The following AVPR1A variants were observed in gnomAD, a reference collection of about 807,000 sequenced individuals.
AVPR1A encodes vasopressin V1a receptor.
A neutral mutation model predicts 31.5 loss-of-function variants in AVPR1A; 31 were observed. That is an observed-to-expected ratio of 0.99 (90% CI 0.74 to 1.33). AVPR1A has a LOEUF of 1.33. AVPR1A is among the 40% of genes most tolerant of loss of function. AVPR1A has a pLI of 0.00. For missense variants in AVPR1A, 570 were observed against 575.2 expected (o/e 0.99, Z 0.09); for synonymous variants, 243 against 233.2 (o/e 1.04, Z -0.38).
chr12:63,149,790 TCTCTCTCTCA>T (rs1311970949), intron 1 of AVPR1A, 67 bp downstream of exon 1: 37 of 1,470,728 alleles, frequency 2.5e-5, no homozygotes, highest in Admixed American at 1.3e-4. Flanking sequence ...TCTCTCTCTC[TCTCTCTCTCA>T]CACACACACA....
Position 63,144,443 on chromosome 12 carries a change from T to C in AVPR1A, c.*2916A>G, listed in dbSNP as rs1004581366. ...CATTCCTAATACCCATATAGAGGCA[T>C]TAAAATTGTGTACTTGCAGGATCTT... On this transcript the variant is annotated 3_prime_UTR_variant, in exon 2 of 2. Coordinates refer to ENST00000299178, the MANE Select transcript of AVPR1A (RefSeq NM_000706.5). 6.6e-6 allele frequency: 1 copy of C among 152,326 alleles called. No individual in the cohort carries two copies. Among genetic ancestry groups the C allele is most frequent in the East Asian group, 1.9e-4 (1 of 5,196 alleles). The allele number at this position is 152,326 out of a possible 1,614,324, so 9.4% of individuals were successfully genotyped here. A position where few individuals can be genotyped will look rare whatever the true frequency, so the allele number is the denominator to read the frequency against.
rs551676456 is a variant in AVPR1A at position 63,145,153 on chromosome 12, G to T, written c.*2206C>A. The T allele has an allele frequency of 3.5e-4, 76 of 220,048 alleles. No homozygotes were observed. The highest frequency in any genetic ancestry group is 1.7e-3 in the African/African-American group (75 of 43,680). 13.6% of individuals were successfully genotyped at this position (220,048 alleles called of 1,614,324 possible). ...TAATGAATTAATTAATTTAGTTATG[G>T]CTTATATTGGACAGTACCCTTTAAG... On this transcript the variant is annotated 3_prime_UTR_variant, in exon 2 of 2. Coordinates refer to ENST00000299178, the MANE Select transcript of AVPR1A (RefSeq NM_000706.5).
rs1868361735 is a variant in AVPR1A at position 63,146,533 on chromosome 12, G to C, written c.*826C>G. On this transcript the variant is annotated 3_prime_UTR_variant, in exon 2 of 2. Transcript: ENST00000299178. ...CAAAATACGTTTACAATGTCCAAGA[G>C]AAAGTCCAGAGTACCTTAAGCAATC... The C allele has an allele frequency of 6.6e-6, 1 of 152,176 alleles. No individual in the cohort carries two copies. Among genetic ancestry groups the C allele is most frequent in the Admixed American group, 6.5e-5 (1 of 15,276 alleles). 9.4% of individuals were successfully genotyped at this position (152,176 alleles called of 1,614,324 possible).
In AVPR1A at chr12:63,146,724, A is replaced by C. The variant is rs1868363718; in HGVS notation, c.*635T>G. The C allele has an allele frequency of 1.3e-5, 2 of 152,220 alleles. No individual in the cohort carries two copies. Among genetic ancestry groups the C allele is most frequent in the Non-Finnish European group, 2.9e-5 (2 of 68,050 alleles). The allele number at this position is 152,220 out of a possible 1,614,324, so 9.4% of individuals were successfully genotyped here. Reference sequence around the variant, plus strand: ...GACCAATAATATGTGAGGAACCAAAAGGAGGCCACTGCCAGTTGTAAAGTT... The same window carrying C: ...GACCAATAATATGTGAGGAACCAAACGGAGGCCACTGCCAGTTGTAAAGTT... On this transcript the variant is annotated 3_prime_UTR_variant, in exon 2 of 2. Transcript: ENST00000299178.
At chr12:63,147,774 A>G in intron 1 of AVPR1A, 129 bp from the exon 2 acceptor site, 9 of 1,036,850 alleles carry the variant, frequency 8.7e-6, no homozygotes, top group South Asian at 1.8e-5. Context: ...TTGTTTATCA[A>G]TCAGGGAAAT....
At position 63,151,144 on chromosome 12, in the gene AVPR1A, G is replaced by T. The variant is rs895224625; in HGVS notation, c.-308C>A. 2.3e-5 allele frequency: 8 copies of T among 341,640 alleles called. No individual in the cohort carries two copies. The highest frequency in any genetic ancestry group is 1.7e-4 in the African/African-American group (8 of 46,450). 21.2% of individuals were successfully genotyped at this position (341,640 alleles called of 1,614,324 possible). On this transcript the variant is annotated 5_prime_UTR_variant, in exon 1 of 2. Coordinates refer to ENST00000299178, the MANE Select transcript of AVPR1A (RefSeq NM_000706.5). ...GGGTTCCCAACTCAAGTATTTATGC[G>T]GTGCTTGTTTCCTTGGGACGCGCTC...
chr12:63,147,572 G>A lies in AVPR1A; in HGVS notation c.1044C>T (p.Tyr348=). 1 of 1,614,112 alleles carries A rather than the reference G, an allele frequency of 6.2e-7. No individual in the cohort carries two copies. The highest frequency in any genetic ancestry group is 8.5e-7 in the Non-Finnish European group (1 of 1,179,986). ...SLNSCCNPWI[Y]MFFSGHLLQD... is the part of the protein sequence containing the mutation. ...GAAGGAGATGGCCACTAAAAAACATGTATATCCAGGGATTACAGCAGCTAT... is the reference window on the plus strand; with the variant it reads ...GAAGGAGATGGCCACTAAAAAACATATATATCCAGGGATTACAGCAGCTAT... The change falls in exon 2 of 2, where the codon TAC becomes TAT. Residue 348 remains tyrosine (Y), a synonymous_variant. Transcript: ENST00000299178.
At chr12:63,149,405 T>C (rs10877968) in intron 1 of AVPR1A, among the ~76,000 whole-genome samples, 34,006 of 152,082 alleles carry the variant, frequency 0.22, 4,445 homozygotes, top group African/African-American at 0.36. Context: ...GTAATACTTT[T>C]CACAATCCAA....
intron 1 of AVPR1A, among the ~76,000 whole-genome samples, 161 bp downstream of exon 1, chr12:63,149,706 C>T (rs1234492831): frequency 2.0e-5 from 3 of 150,990 alleles, no homozygotes; most frequent in Admixed American, 1.3e-4. Flanking sequence ...CTTATGTACA[C>T]ATAGAAGTTT....
rs1868343987 is a variant in AVPR1A, at chr12:63,144,595, G to A, written c.*2764C>T. Reference sequence around the variant, plus strand: ...AAGAAAAGGAAAACTTCCCTTCCCGGAATACTTTTTCAGTTTCTCTTCTTC... The same window carrying A: ...AAGAAAAGGAAAACTTCCCTTCCCGAAATACTTTTTCAGTTTCTCTTCTTC... On this transcript the variant is annotated 3_prime_UTR_variant, in exon 2 of 2. Coordinates refer to ENST00000299178, the MANE Select transcript of AVPR1A (RefSeq NM_000706.5). The A allele has an allele frequency of 6.6e-6, 1 of 152,106 alleles. No homozygotes were observed. Among genetic ancestry groups the A allele is most frequent in the South Asian group, 2.1e-4 (1 of 4,826 alleles). The allele number at this position is 152,106 out of a possible 1,614,324, so 9.4% of individuals were successfully genotyped here.
chr12:63,149,741 T>C, intron 1 of AVPR1A, 126 bp downstream of exon 1: 2 of 1,405,360 alleles, frequency 1.4e-6, no homozygotes, highest in Non-Finnish European at 1.9e-6. Context: ...TAGAAGATAC[T>C]ATGAAGAAAA....
In AVPR1A at chr12:63,149,879, A is replaced by G; in HGVS notation, c.958T>C (p.Ser320Pro). The change falls in exon 1 of 2, where the codon TCC becomes CCC. Residue 320 changes from serine (S) to proline (P), a missense_variant. By Grantham distance (74) the Ser-to-Pro change is moderately conservative (BLOSUM62 -1). Coordinates refer to ENST00000299178, the MANE Select transcript of AVPR1A (RefSeq NM_000706.5). ...TCCCGGCACGTACCGGTCCAGACGG[A>G]CATGGGATCCCAGACAGACCACATC... ...IQMWSVWDPM[S>P]VWTESENPTI... The G allele has an allele frequency of 6.2e-7, 1 of 1,613,298 alleles. No homozygotes were observed.
intron 1 of AVPR1A, among the ~76,000 whole-genome samples, chr12:63,148,151 G>A (rs1201695514): frequency 6.6e-6 from 1 of 152,106 alleles, no homozygotes; most frequent in Non-Finnish European, 1.5e-5. Context: ...AGAAGTCCCT[G>A]GATGATATAA....
Position 63,146,440 on chromosome 12 carries a change from T to A in AVPR1A, c.*919A>T, listed in dbSNP as rs1171981224. On this transcript the variant is annotated 3_prime_UTR_variant, in exon 2 of 2. Coordinates refer to ENST00000299178, the MANE Select transcript of AVPR1A (RefSeq NM_000706.5). ...GGATACTCATATTATGAATCTGAAT[T>A]CCCCAAACATGAAGATAATGATCTT... 2 of 152,256 alleles carry A rather than the reference T, an allele frequency of 1.3e-5. No individual in the cohort carries two copies. The highest frequency in any genetic ancestry group is 3.9e-4 in the East Asian group (2 of 5,186). The allele number at this position is 152,256 out of a possible 1,614,324, so 9.4% of individuals were successfully genotyped here.
rs1868331401 is a variant in AVPR1A, at chr12:63,142,834, T to C, written c.*4525A>G. 1.3e-5 allele frequency: 2 copies of C among 152,144 alleles called. No individual in the cohort carries two copies. The highest frequency in any genetic ancestry group is 2.9e-5 in the Non-Finnish European group (2 of 67,978). 9.4% of individuals were successfully genotyped at this position (152,144 alleles called of 1,614,324 possible). A position where few individuals can be genotyped will look rare whatever the true frequency, so the allele number is the denominator to read the frequency against. On this transcript the variant is annotated 3_prime_UTR_variant, in exon 2 of 2. Transcript: ENST00000299178. ...AGGAAATACAATAGTTTTTTCAATATAGTACCACAAGCCATTTTTTCTGTA... is the reference window on the plus strand; with the variant it reads ...AGGAAATACAATAGTTTTTTCAATACAGTACCACAAGCCATTTTTTCTGTA...
intron 1 of AVPR1A, among the ~76,000 whole-genome samples, chr12:63,149,333 G>A (rs992066147): frequency 6.6e-6 from 1 of 152,074 alleles, no homozygotes; most frequent in Non-Finnish European, 1.5e-5. Flanking sequence ...GCTTTCTTTA[G>A]AAATATATAT....
Position 63,150,400 on chromosome 12 carries a change from G to A in AVPR1A, c.437C>T (p.Thr146Ile). ...FASAYMLVVM[T>I]ADRYIAVCHP... The stretch of plus-strand genomic sequence containing the variant: ...GCACACCGCGATGTAGCGGTCGGCT[G>A]TCATGACTACCAGCATGTAGGCCGA... Residue 146 changes from threonine to isoleucine, a missense_variant, in exon 1 of 2, where the codon ACA becomes ATA. Thr to Ile is a moderately conservative substitution (Grantham distance 89). Coordinates refer to ENST00000299178, the MANE Select transcript of AVPR1A (RefSeq NM_000706.5). This position sits in a 1 kb window ranked among gnomAD's most constrained non-coding sequence, Gnocchi z 4.9. 6.2e-7 allele frequency: 1 copy of A among 1,613,856 alleles called. No homozygotes were observed. Among genetic ancestry groups the A allele is most frequent in the Non-Finnish European group, 8.5e-7 (1 of 1,179,970 alleles).
In AVPR1A at chr12:63,150,589, G is replaced by A. The variant is rs762174402; in HGVS notation, c.248C>T (p.Thr83Met). 17 of 1,610,930 alleles carry A rather than the reference G, an allele frequency of 1.1e-5. No individual in the cohort carries two copies. Among genetic ancestry groups the A allele is most frequent in the Non-Finnish European group, 4.2e-6 (5 of 1,179,856 alleles). Reference protein sequence around the residue: ...LLALHRTPRKTSRMHLFIRHL... With the variant: ...LLALHRTPRKMSRMHLFIRHL... Reference sequence around the variant, plus strand: ...TCGGATGAAGAGGTGCATGCGGGACGTCTTGCGCGGCGTCCGGTGCAGAGC... The same window carrying A: ...TCGGATGAAGAGGTGCATGCGGGACATCTTGCGCGGCGTCCGGTGCAGAGC... The change falls in exon 1 of 2, where the codon ACG becomes ATG. Residue 83 changes from threonine (T) to methionine (M), a missense_variant. By Grantham distance (81) the Thr-to-Met change is moderately conservative. Transcript: ENST00000299178. This position sits in a 1 kb window ranked among gnomAD's most constrained non-coding sequence, Gnocchi z 4.9.
In AVPR1A at chr12:63,149,771, T is replaced by C. The variant is rs201669528; in HGVS notation, c.970+96A>G. ...AGAAAATTGCTAGATTCTCATTTTT[T>C]TCTCTCTCTCTCTCTCTCTCTCTCT... On this transcript the variant is annotated intron_variant, in intron 1 of 1. Transcript: ENST00000299178. 9.0e-3 allele frequency: 8,572 copies of C among 956,100 alleles called. 51 individuals are homozygous for C. Among genetic ancestry groups the C allele is most frequent in the African/African-American group, 0.032 (1,389 of 43,930 alleles). 59.2% of individuals were successfully genotyped at this position (956,100 alleles called of 1,614,324 possible). A position where few individuals can be genotyped will look rare whatever the true frequency, so the allele number is the denominator to read the frequency against.
Sources: allele counts gnomAD v4.1 joint callset (sites outside exome capture counted in the v4.1 genomes callset), GRCh38; gene constraint gnomAD v4.1.1; non-coding constraint Gnocchi (gnomAD v3.1); transcripts MANE v1.5; gene names NCBI Gene and HGNC (gene_info 2026-07-23, HGNC 2026-07-21).